ESR1: variants seen among roughly 807,000 people sequenced by gnomAD.
ESR1 encodes estrogen receptor.
Under a neutral mutation model 52.7 loss-of-function variants are expected in ESR1, and 12 were observed. The ratio of observed to expected loss-of-function variants is 0.23; its 90% CI spans 0.15 to 0.37. The LOEUF (loss-of-function observed/expected upper bound fraction) is 0.37. Ranked by LOEUF, ESR1 falls within the 10% of genes least tolerant of loss-of-function variation. The probability of loss-of-function intolerance (pLI) is 1.00; values close to 1 mark genes in which losing one functional copy is unlikely to be tolerated. For synonymous variants in ESR1, 305 were observed against 316.8 expected, an observed-to-expected ratio of 0.96 and a Z score of 0.39; for missense variants, 584 against 779.7, an observed-to-expected ratio of 0.75 and a Z score of 2.99.
chr6:152,088,238 A>G (rs760791160), intron 6 of ESR1, among the ~76,000 whole-genome samples: 5 of 152,216 alleles, frequency 3.3e-5, no homozygotes, highest in Non-Finnish European at 7.3e-5. Flanking sequence ...GCTTATATGT[A>G]CTTATAATGA....
intron 2 of ESR1, among the ~76,000 whole-genome samples, chr6:151,853,187 AAAAAAAAAAAAG>A (rs1158153963): frequency 6.8e-6 from 1 of 147,612 alleles, no homozygotes; most frequent in Non-Finnish European, 1.5e-5. Flanking sequence ...AAAAAAAAAA[AAAAAAAAAAAAG>A]AGAAAGAAAG....
At chr6:152,005,334 A>G (rs2042248976) in intron 4 of ESR1, among the ~76,000 whole-genome samples, 1 of 152,022 alleles carries the variant, frequency 6.6e-6, no homozygotes, top group African/African-American at 2.4e-5. Flanking sequence ...TGTTGTTTTT[A>G]TAGGGCTATT....
chr6:151,850,093 ATT>A (rs1221081245), intron 2 of ESR1, among the ~76,000 whole-genome samples: 2 of 10,496 alleles, frequency 1.9e-4, no homozygotes, highest in African/African-American at 1.1e-3. Context: ...TATATATATA[ATT>A]TTATATATAT....
chr6:152,087,420 A>G (rs2049821645), intron 6 of ESR1, among the ~76,000 whole-genome samples: 1 of 152,236 alleles, frequency 6.6e-6, no homozygotes, highest in African/African-American at 2.4e-5. Context: ...CTTGCATTAC[A>G]GTAGGACACC....
intron 4 of ESR1, among the ~76,000 whole-genome samples, chr6:151,961,167 A>C (rs960857477): frequency 2.6e-5 from 4 of 152,052 alleles, no homozygotes; most frequent in Non-Finnish European, 5.9e-5. Flanking sequence ...AGAGATGATG[A>C]ATGAGATTAG....
intron 1 of ESR1, 52 bp downstream of exon 1, chr6:151,808,416 G>T: frequency 1.3e-6 from 1 of 789,790 alleles, no homozygotes; most frequent in Admixed American, 3.2e-5. Context: ...CGGCAGGAGG[G>T]AGGGAGGGAG....
intron 2 of ESR1, among the ~76,000 whole-genome samples, chr6:151,726,163 G>A (rs191325717): frequency 7.4e-4 from 112 of 152,172 alleles, no homozygotes; most frequent in African/African-American, 2.3e-3. Context: ...TCATTTAGGC[G>A]GAGAAAGAAT....
rs1231327619 is a variant in ESR1, at chr6:151,683,725, G to A, written n.74-18150G>A. Among the ~76,000 whole-genome samples the A allele has an allele frequency of 2.0e-5, 3 of 149,474 alleles. No individual in the cohort carries two copies. The East Asian group carries it at 5.9e-4, about 29-fold the overall frequency. On this transcript the variant is annotated intron_variant and non_coding_transcript_variant, in intron 1 of 2. Transcript: ENST00000473497. The stretch of plus-strand genomic sequence containing the variant: ...TTTTTCTTTTTTTTTTTGAGATAGA[G>A]TCTCACTCTGTCGCCCAGGCTAGAG...
intron 1 of ESR1, among the ~76,000 whole-genome samples, chr6:151,700,945 C>T (rs144260380): frequency 2.6e-4 from 39 of 152,206 alleles, no homozygotes; most frequent in African/African-American, 9.1e-4. Flanking sequence ...ATTCTTAAAG[C>T]ACCCCAAGGG....
intron 1 of ESR1, among the ~76,000 whole-genome samples, chr6:151,692,994 A>C (rs1418909864): frequency 6.6e-6 from 1 of 152,192 alleles, no homozygotes; most frequent in East Asian, 1.9e-4. Context: ...TCCATGGAAA[A>C]TGACTGAGTA....
chr6:152,027,236 A>T (rs1344349655), intron 5 of ESR1, among the ~76,000 whole-genome samples: 1 of 152,132 alleles, frequency 6.6e-6, no homozygotes, highest in Non-Finnish European at 1.5e-5. Flanking sequence ...CAGTGCTGGG[A>T]TTACAGGTGT....
In ESR1 at chr6:151,975,339, C is replaced by A. The variant is rs2039337293; in HGVS notation, c.1096+30831C>A. ...CAATATTGTGCTTAGTAAACTCCCC[C>A]CACTCTTTTTTTCCCTTAGCTTGTT... On this transcript the variant is annotated intron_variant, in intron 4 of 7. Transcript: ENST00000206249. Among the ~76,000 whole-genome samples, 3 of 152,256 alleles carry A rather than the reference C, an allele frequency of 2.0e-5. No individual in the cohort carries two copies. In the East Asian group the frequency reaches 5.8e-4, roughly 29 times the overall value.
At chr6:151,826,184 A>G (rs900510442) in intron 1 of ESR1, among the ~76,000 whole-genome samples, 2 of 152,228 alleles carry the variant, frequency 1.3e-5, no homozygotes, top group African/African-American at 4.8e-5. Context: ...CAGCAGGAGC[A>G]TCAGGAAGTG....
intron 6 of ESR1, among the ~76,000 whole-genome samples, chr6:152,082,803 T>A (rs182228027): frequency 1.6e-3 from 241 of 152,300 alleles, no homozygotes; most frequent in African/African-American, 5.0e-3. Flanking sequence ...ATCACAGGCA[T>A]TCCTGTACAC....
At chr6:152,051,683 A>G (rs1477096476) in intron 5 of ESR1, among the ~76,000 whole-genome samples, 1 of 152,104 alleles carries the variant, frequency 6.6e-6, no homozygotes, top group Non-Finnish European at 1.5e-5. Context: ...CCAGGTCCAC[A>G]ATTCTCTAAG....
chr6:152,094,011 G>A lies in ESR1; in HGVS notation c.1370-374G>A, dbSNP rs9341048. ...CCTTTTTGTTTCTTGATGTGAAAAG[G>A]AACAACAGTGGCTGCTCACAGGGTT... On this transcript the variant is annotated intron_variant, in intron 6 of 7. Coordinates refer to ENST00000206249, the MANE Select transcript of ESR1 (RefSeq NM_000125.4). The surrounding 1 kb of genome is among the most constrained non-coding windows in gnomAD (Gnocchi z 4.6). Among the ~76,000 whole-genome samples, 577 of 152,252 alleles carry A rather than the reference G, an allele frequency of 3.8e-3. 5 individuals are homozygous for A. Among genetic ancestry groups the A allele is most frequent in the Middle Eastern group, 6.8e-3 (2 of 294 alleles).
chr6:151,977,070 T>C (rs1374834047), intron 4 of ESR1, among the ~76,000 whole-genome samples: 2 of 152,134 alleles, frequency 1.3e-5, no homozygotes, highest in Non-Finnish European at 2.9e-5. Context: ...GAAACATATC[T>C]TTTGAAATGT....
rs567800479 is a variant in ESR1, at chr6:151,762,189, A to G, written c.-70-45654A>G. 6.6e-5 allele frequency among the ~76,000 whole-genome samples: 10 copies of G among 152,324 alleles called. No individual in the cohort carries two copies. In the South Asian group the frequency reaches 2.1e-3, roughly 32 times the overall value. ...AAGAACTATCATTCTAACTTAAATG[A>G]AGGAGAAAATGAATTCATCATTCTG... On this transcript the variant is annotated intron_variant, in intron 2 of 2. Coordinates refer to the ESR1 transcript ENST00000404742.
downstream of ESR1, among the ~76,000 whole-genome samples, chr6:152,103,648 A>C (rs1412083924): frequency 2.6e-5 from 4 of 152,188 alleles, no homozygotes; most frequent in Non-Finnish European, 5.9e-5. Flanking sequence ...GCCTGGCCCA[A>C]ATCCTTCCCT....
Sources: gnomAD v4.1 joint callset for allele counts (sites outside exome capture counted in the v4.1 genomes callset) on GRCh38, gnomAD v4.1.1 for gene constraint, Gnocchi (gnomAD v3.1) non-coding constraint, MANE v1.5 for transcripts, NCBI Gene and HGNC (gene_info 2026-07-23, HGNC 2026-07-21) for gene names.